The following DISC1 variants were observed in gnomAD, a reference collection of about 807,000 sequenced individuals.
DISC1 encodes disrupted in schizophrenia 1 protein.
DISC1 carries 57 observed loss-of-function variants against 84.5 expected under a neutral mutation model. The observed-to-expected ratio is 0.67, with a 90% confidence interval of 0.55 to 0.84. DISC1 has a LOEUF of 0.84. Among genes scored for constraint, DISC1 ranks in the 40% least tolerant of loss-of-function variants. DISC1 has a pLI of 0.00. For synonymous variants in DISC1, 411 were observed against 415.2 expected (o/e 0.99, Z 0.12); for missense variants, 1,000 against 1,057.8 (o/e 0.95, Z 0.76).
intron 9 of DISC1, among the ~76,000 whole-genome samples, chr1:231,881,841 A>G (rs1319852001): frequency 6.6e-6 from 1 of 152,198 alleles, no homozygotes; most frequent in Non-Finnish European, 1.5e-5. Flanking sequence ...GACAATAATC[A>G]TCACTCTCAT....
intron 9 of DISC1, among the ~76,000 whole-genome samples, chr1:231,877,969 C>T (rs1307135015): frequency 1.3e-5 from 2 of 152,102 alleles, no homozygotes; most frequent in African/African-American, 4.8e-5. Context: ...AAGATGAAGA[C>T]AAATGAACTC....
intron 10 of DISC1, 147 bp downstream of exon 10, chr1:231,959,035 T>A: frequency 7.0e-7 from 1 of 1,428,658 alleles, no homozygotes; most frequent in Non-Finnish European, 9.1e-7. Context: ...TTGAACCCCA[T>A]CAGTGAAAGA....
Position 231,891,377 on chromosome 1 carries a change from A to G in DISC1, c.1982-67451A>G, listed in dbSNP as rs576998865. On this transcript the variant is annotated intron_variant, in intron 9 of 12. Transcript: ENST00000439617. ...GGATATTTGAGGTGGAGTAAGACCAATAGATCAGGAGGTAATTGCCACTGA... is the reference window on the plus strand; with the variant it reads ...GGATATTTGAGGTGGAGTAAGACCAGTAGATCAGGAGGTAATTGCCACTGA... Among the ~76,000 whole-genome samples, 30 of 152,328 alleles carry G rather than the reference A, an allele frequency of 2.0e-4. 1 individual carries two copies. The South Asian group carries it at 2.3e-3, about 12-fold the overall frequency.
At chr1:231,955,908 G>GTC (rs536338162) in intron 9 of DISC1, among the ~76,000 whole-genome samples, 1 of 152,312 alleles carries the variant, frequency 6.6e-6, no homozygotes, top group African/African-American at 2.4e-5. Flanking sequence ...ACTAGTTTAA[G>GTC]TCCCTATTGG....
In DISC1 at chr1:231,724,708, AG is replaced by A. The variant is rs530221375; in HGVS notation, c.1117+22685del. On this transcript the variant is annotated intron_variant, in intron 3 of 12. Transcript: ENST00000439617. ...CTGGCTTCAGAGTCTGTCCTTAAACAGTGAGGTGCCCTGTGTCTTTTATTCT... is the reference window on the plus strand; with the variant it reads ...CTGGCTTCAGAGTCTGTCCTTAAACATGAGGTGCCCTGTGTCTTTTATTCT... Among the ~76,000 whole-genome samples, 16 of 152,316 alleles carry A rather than the reference AG, an allele frequency of 1.1e-4. 1 individual carries two copies. In the East Asian group the frequency reaches 3.1e-3, roughly 29 times the overall value.
intron 7 of DISC1, among the ~76,000 whole-genome samples, chr1:231,798,315 T>C (rs1435648226): frequency 6.6e-6 from 1 of 152,128 alleles, no homozygotes; most frequent in Non-Finnish European, 1.5e-5. Flanking sequence ...TTGGTAGATA[T>C]TAGATTACAT....
rs147684655 is a variant in DISC1, at chr1:232,021,006, C to T, written c.2308-5429C>T. 8.5e-5 allele frequency among the ~76,000 whole-genome samples: 13 copies of T among 152,328 alleles called. No individual in the cohort carries two copies. The East Asian group carries it at 2.5e-3, about 29-fold the overall frequency. ...CTGATGCTTCCTGCAGAGACTATGC[C>T]ATCCTGTGTGACCGTAACATATAAA... On this transcript the variant is annotated intron_variant, in intron 11 of 12. Transcript: ENST00000439617.
intron 9 of DISC1, among the ~76,000 whole-genome samples, chr1:231,824,650 T>C (rs1451718105): frequency 6.6e-6 from 1 of 152,176 alleles, no homozygotes; most frequent in African/African-American, 2.4e-5. Context: ...ATAATTCTTT[T>C]GGGAGGCATC....
intron 1 of DISC1, among the ~76,000 whole-genome samples, chr1:231,664,050 C>CCATT (rs2061793245): frequency 6.6e-6 from 1 of 151,746 alleles, no homozygotes; most frequent in Non-Finnish European, 1.5e-5. Flanking sequence ...ATCCATCCAT[C>CCATT]CATCCATCCA....
At position 231,661,513 on chromosome 1, in the gene DISC1, T is replaced by G. The variant is rs546171450; in HGVS notation, c.68-32313T>G. The stretch of plus-strand genomic sequence containing the variant: ...AGATAGTCTTTAAGCTCTGAAATTC[T>G]TTCCTCCACTTGGTCTATTCTGCTA... On this transcript the variant is annotated intron_variant, in intron 1 of 12. Transcript: ENST00000439617. Among the ~76,000 whole-genome samples, 4 of 152,352 alleles carry G rather than the reference T, an allele frequency of 2.6e-5. No homozygotes were observed. The South Asian group carries it at 8.3e-4, about 32-fold the overall frequency.
In DISC1 at chr1:232,036,969, T is replaced by C. The variant is rs569176649; in HGVS notation, c.*138T>C. The stretch of plus-strand genomic sequence containing the variant: ...TTGAGGTCTTTCAGTGGAAAGGTGG[T>C]TCATGTTCATTCTCATCAGTGTGAA... On this transcript the variant is annotated 3_prime_UTR_variant, in exon 13 of 13. Transcript: ENST00000439617. 3.3e-6 allele frequency: 3 copies of C among 907,190 alleles called. No homozygotes were observed. The highest frequency in any genetic ancestry group is 3.6e-5 in the South Asian group (1 of 27,748). The allele number at this position is 907,190 out of a possible 1,614,324, so 56.2% of individuals were successfully genotyped here.
chr1:231,832,573 C>T lies in DISC1; in HGVS notation c.1981+14056C>T, dbSNP rs1300058104. 4.0e-5 allele frequency among the ~76,000 whole-genome samples: 6 copies of T among 151,154 alleles called. No homozygotes were observed. In the East Asian group the frequency reaches 7.9e-4, roughly 20 times the overall value. On this transcript the variant is annotated intron_variant, in intron 9 of 12. Transcript: ENST00000439617. The stretch of plus-strand genomic sequence containing the variant: ...AAGTAATGGGGGCTGTCTGTGAAGC[C>T]CTGTGGCAGTACAGCCCAGGTAATT...
intron 10 of DISC1, among the ~76,000 whole-genome samples, chr1:231,999,579 T>A (rs1285957232): frequency 1.3e-5 from 2 of 152,156 alleles, no homozygotes; most frequent in Admixed American, 6.5e-5. Context: ...ATGCCCAGCC[T>A]GGGAAGTGTT....
At chr1:231,903,615 C>T (rs1037149212) in intron 9 of DISC1, among the ~76,000 whole-genome samples, 4 of 152,240 alleles carry the variant, frequency 2.6e-5, no homozygotes, top group Middle Eastern at 3.4e-3. Context: ...CAGAGGCCTC[C>T]GCAAAAGCAG....
At chr1:231,905,709 T>C (rs2088577572) in intron 9 of DISC1, among the ~76,000 whole-genome samples, 1 of 152,068 alleles carries the variant, frequency 6.6e-6, no homozygotes, top group Admixed American at 6.6e-5. Context: ...AATGTGTGAT[T>C]CTGAGGGGCA....
Position 231,926,605 on chromosome 1 carries a change from A to G in DISC1, c.1982-32223A>G, listed in dbSNP as rs188420947. On this transcript the variant is annotated intron_variant, in intron 9 of 12. Transcript: ENST00000439617. ...CTGTCATATCTGTACCTGATCCACTACAGGGATGAATTGACATTTTCAGTG... is the reference window on the plus strand; with the variant it reads ...CTGTCATATCTGTACCTGATCCACTGCAGGGATGAATTGACATTTTCAGTG... Among the ~76,000 whole-genome samples, 8 of 152,314 alleles carry G rather than the reference A, an allele frequency of 5.3e-5. No individual in the cohort carries two copies. In the East Asian group the frequency reaches 5.8e-4, roughly 11 times the overall value.
intron 1 of DISC1, among the ~76,000 whole-genome samples, chr1:231,633,623 CT>C (rs764323762): frequency 1.3e-5 from 2 of 152,200 alleles, no homozygotes; most frequent in Non-Finnish European, 2.9e-5. Context: ...GTCGTAGCTA[CT>C]TTAACTCCCC....
At chr1:231,789,977 T>G (rs1432480849) in intron 6 of DISC1, among the ~76,000 whole-genome samples, 1 of 152,184 alleles carries the variant, frequency 6.6e-6, no homozygotes, top group Non-Finnish European at 1.5e-5. Flanking sequence ...TAATAATCAT[T>G]TTTAAAAATC....
At chr1:231,982,608 G>A (rs987620523) in intron 10 of DISC1, among the ~76,000 whole-genome samples, 1 of 152,196 alleles carries the variant, frequency 6.6e-6, no homozygotes, top group Non-Finnish European at 1.5e-5. Flanking sequence ...AGGCTTATGT[G>A]CTAGCTGGTG....
Sources: allele counts gnomAD v4.1 joint callset (sites outside exome capture counted in the v4.1 genomes callset), GRCh38; gene constraint gnomAD v4.1.1; transcripts MANE v1.5; gene names NCBI Gene and HGNC (gene_info 2026-07-23, HGNC 2026-07-21).